CDK14: variants seen among roughly 807,000 people sequenced by gnomAD.
CDK14 encodes the protein cyclin dependent kinase 14.
A neutral mutation model predicts 60.7 loss-of-function variants in CDK14; 34 were observed. The ratio of observed to expected loss-of-function variants is 0.56; its 90% CI spans 0.43 to 0.75. CDK14 has a LOEUF of 0.75. Ranked by LOEUF, CDK14 falls within the 30% of genes least tolerant of loss-of-function variation. The probability of loss-of-function intolerance (pLI) is 0.00; values close to 1 mark genes in which losing one functional copy is unlikely to be tolerated. For synonymous variants in CDK14, 197 were observed against 203.7 expected (o/e 0.97, Z 0.28); for missense variants, 482 against 564.1 (o/e 0.85, Z 1.47).
chr7:91,096,242 G>T (rs1452624511), intron 12 of CDK14, among the ~76,000 whole-genome samples: 1 of 152,086 alleles, frequency 6.6e-6, no homozygotes, highest in East Asian at 1.9e-4. Flanking sequence ...TTACTTCCAA[G>T]GTTAGGTTAT....
chr7:91,074,716 G>GT (rs1798245837), intron 11 of CDK14, among the ~76,000 whole-genome samples: 1 of 151,926 alleles, frequency 6.6e-6, no homozygotes, highest in Non-Finnish European at 1.5e-5. Flanking sequence ...CCAGGAGCTG[G>GT]TTTTTTTGAA....
intron 6 of CDK14, among the ~76,000 whole-genome samples, chr7:90,888,211 A>T (rs6942787): frequency 6.6e-6 from 1 of 152,004 alleles, no homozygotes; most frequent in African/African-American, 2.4e-5. Flanking sequence ...TTAGCTGGGC[A>T]TGGTGGCTTG....
chr7:90,694,450 T>G (rs62469732), intron 2 of CDK14, among the ~76,000 whole-genome samples: 12,728 of 152,258 alleles, frequency 0.084, 604 homozygotes, highest in South Asian at 0.11. Context: ...GGTATTGAAA[T>G]CAAGCCTATT....
intron 3 of CDK14, among the ~76,000 whole-genome samples, chr7:90,744,777 C>A (rs76884726): frequency 7.3e-6 from 1 of 137,634 alleles, no homozygotes; most frequent in Admixed American, 7.1e-5. Flanking sequence ...CTGACCCCCC[C>A]ACCTCCCTGC....
At chr7:90,841,117 G>A (rs1790275724) in intron 5 of CDK14, among the ~76,000 whole-genome samples, 1 of 151,992 alleles carries the variant, frequency 6.6e-6, no homozygotes, top group Non-Finnish European at 1.5e-5. Flanking sequence ...ATTTTTTGAG[G>A]CAAATAAGTT....
At chr7:90,753,823 C>G (rs1803946192) in intron 4 of CDK14, among the ~76,000 whole-genome samples, 1 of 152,112 alleles carries the variant, frequency 6.6e-6, no homozygotes. Flanking sequence ...AGCATTATTT[C>G]TATACACCAG....
At chr7:90,803,150 C>A (rs1268230888) in intron 5 of CDK14, among the ~76,000 whole-genome samples, 1 of 149,860 alleles carries the variant, frequency 6.7e-6, no homozygotes, top group African/African-American at 2.5e-5. Context: ...ATTTGGGGGT[C>A]GTTTCTTGGA....
rs949325424 is a variant in CDK14 at position 91,209,845 on chromosome 7, C to G, written c.*2709C>G. ...CAGGGTGGCTGTCCATCCACTGATT[C>G]TGGGGTGAGAAGCGATTTCTACCTC... On this transcript the variant is annotated 3_prime_UTR_variant, in exon 15 of 15. Transcript: ENST00000380050. 1.3e-5 allele frequency: 2 copies of G among 152,584 alleles called. No homozygotes were observed. The highest frequency in any genetic ancestry group is 2.4e-5 in the African/African-American group (1 of 41,430). The allele number at this position is 152,584 out of a possible 1,614,324, so 9.5% of individuals were successfully genotyped here.
chr7:90,790,130 T>C (rs1259885856), intron 4 of CDK14, among the ~76,000 whole-genome samples: 1 of 147,336 alleles, frequency 6.8e-6, no homozygotes, highest in African/African-American at 2.5e-5. Flanking sequence ...GAGAGAAGAA[T>C]GTCAAGTTTC....
At position 90,956,246 on chromosome 7, in the gene CDK14, T is replaced by C. The variant is rs564604892; in HGVS notation, c.947+429T>C. ...TTAGGCACCAGTTTGACTCACAGTATGTACTTGAAAACTTCTGACACTAGT... is the reference window on the plus strand; with the variant it reads ...TTAGGCACCAGTTTGACTCACAGTACGTACTTGAAAACTTCTGACACTAGT... On this transcript the variant is annotated intron_variant, in intron 9 of 14. Coordinates refer to ENST00000380050, the MANE Select transcript of CDK14 (RefSeq NM_001287135.2). Among the ~76,000 whole-genome samples the C allele has an allele frequency of 3.9e-4, 59 of 152,332 alleles. 1 individual carries two copies. In the South Asian group the frequency reaches 0.012, roughly 32 times the overall value.
chr7:90,678,185 A>G (rs181112646), intron 2 of CDK14, among the ~76,000 whole-genome samples: 125 of 152,342 alleles, frequency 8.2e-4, no homozygotes, highest in African/African-American at 2.9e-3. Context: ...GCTTATGCTC[A>G]GAATTTCAAA....
At chr7:91,171,795 C>G (rs1478844314) in intron 14 of CDK14, among the ~76,000 whole-genome samples, 1 of 152,100 alleles carries the variant, frequency 6.6e-6, no homozygotes, top group East Asian at 1.9e-4. Flanking sequence ...CACAGGGATG[C>G]ACCACCACAC....
intron 2 of CDK14, among the ~76,000 whole-genome samples, chr7:90,717,605 A>G (rs969021224): frequency 2.0e-5 from 3 of 152,262 alleles, no homozygotes; most frequent in African/African-American, 2.4e-5. Flanking sequence ...CTAAATCGCA[A>G]TGTTAGACAT....
At chr7:91,062,773 C>A (rs1034902064) in intron 11 of CDK14, among the ~76,000 whole-genome samples, 1 of 152,126 alleles carries the variant, frequency 6.6e-6, no homozygotes, top group African/African-American at 2.4e-5. Flanking sequence ...CAAACCACCC[C>A]AAAGGTGTAC....
intron 14 of CDK14, among the ~76,000 whole-genome samples, chr7:91,143,191 C>G (rs868643947): frequency 2.8e-4 from 42 of 152,224 alleles, no homozygotes; most frequent in African/African-American, 9.6e-4. Flanking sequence ...AACCACAGAA[C>G]AGCTGAAAAG....
At chr7:91,118,618 C>A (rs1799684877) in intron 14 of CDK14, among the ~76,000 whole-genome samples, 1 of 152,200 alleles carries the variant, frequency 6.6e-6, no homozygotes, top group African/African-American at 2.4e-5. Context: ...ATCTAGATTT[C>A]TGGTTTTCCT....
intron 5 of CDK14, among the ~76,000 whole-genome samples, chr7:90,861,480 G>C (rs1435259607): frequency 6.6e-6 from 1 of 152,134 alleles, no homozygotes; most frequent in African/African-American, 2.4e-5. Flanking sequence ...CAAATCACAA[G>C]CAAAATTATT....
chr7:91,204,083 T>A (rs1048293399), intron 14 of CDK14, among the ~76,000 whole-genome samples: 1 of 152,112 alleles, frequency 6.6e-6, no homozygotes, highest in Non-Finnish European at 1.5e-5. Flanking sequence ...AAGTGAGCCT[T>A]ATGGAGAACT....
rs1798394313 is a variant in CDK14, at chr7:91,078,729, A to G, written c.1106-703A>G. Among the ~76,000 whole-genome samples the G allele has an allele frequency of 2.6e-5, 4 of 152,254 alleles. No homozygotes were observed. The South Asian group carries it at 8.3e-4, about 31-fold the overall frequency. Reference sequence around the variant, plus strand: ...TCCGTTCAAAAAATCAATGGTATATATGTTCGTACATAAGGATGGGTGTAT... The same window carrying G: ...TCCGTTCAAAAAATCAATGGTATATGTGTTCGTACATAAGGATGGGTGTAT... On this transcript the variant is annotated intron_variant, in intron 11 of 14. Transcript: ENST00000380050.
Sources: gnomAD v4.1 joint callset for allele counts (sites outside exome capture counted in the v4.1 genomes callset) on GRCh38, gnomAD v4.1.1 for gene constraint, MANE v1.5 for transcripts, NCBI Gene and HGNC (gene_info 2026-07-23, HGNC 2026-07-21) for gene names.